The following SORCS1 variants were observed in gnomAD, a reference collection of about 807,000 sequenced individuals.
The protein encoded by SORCS1 is sortilin related VPS10 domain containing receptor 1.
A neutral mutation model predicts 146.1 loss-of-function variants in SORCS1; 60 were observed. The ratio of observed to expected loss-of-function variants is 0.41; its 90% CI spans 0.33 to 0.51. The LOEUF (loss-of-function observed/expected upper bound fraction) is 0.51, where lower values mean the gene tolerates loss of function less well. SORCS1 is among the 20% of genes least tolerant of loss of function. The pLI is 0.21. For missense variants in SORCS1, 1,352 were observed against 1,487.6 expected, an observed-to-expected ratio of 0.91 and a Z score of 1.50; for synonymous variants, 637 against 584.0, an observed-to-expected ratio of 1.09 and a Z score of -1.31.
intron 4 of SORCS1, among the ~76,000 whole-genome samples, chr10:106,763,328 C>G (rs1196300505): frequency 1.3e-5 from 2 of 152,052 alleles, no homozygotes. Context: ...TTAAATGTAT[C>G]CCCTAAGCTT....
chr10:106,688,054 C>T, intron 10 of SORCS1, 138 bp downstream of exon 10: 1 of 1,170,144 alleles, frequency 8.5e-7, no homozygotes, highest in African/African-American at 1.6e-5. Context: ...TTTTCTACAC[C>T]CTTTGCCTTC....
intron 2 of SORCS1, among the ~76,000 whole-genome samples, chr10:106,879,888 T>A: frequency 6.6e-6 from 1 of 152,332 alleles, no homozygotes; most frequent in Middle Eastern, 3.4e-3. Context: ...TACCTTAACA[T>A]CAGCCTTGTG....
At chr10:107,028,310 G>GTGAAATGGGCA (rs1958495974) in intron 1 of SORCS1, among the ~76,000 whole-genome samples, 1 of 152,170 alleles carries the variant, frequency 6.6e-6, no homozygotes, top group Non-Finnish European at 1.5e-5. Context: ...TTTTCCTCTT[G>GTGAAATGGGCA]TGAAATGGGC....
At position 106,671,272 on chromosome 10, in the gene SORCS1, A is replaced by G. The variant is rs143139504; in HGVS notation, c.2154T>C (p.Ser718=). ...MQGKYAGAME[S]EPCVCTEADF... ...CAGCCTCAGTGCAGACACAGGGTTC[A>G]GATTCCATAGCTCCTGCATATTTTC... The change falls in exon 16 of 26, where the codon TCT becomes TCC. Residue 718 remains serine, a synonymous_variant. Coordinates refer to ENST00000263054, the MANE Select transcript of SORCS1 (RefSeq NM_052918.5). The G allele has an allele frequency of 3.5e-5, 56 of 1,614,184 alleles. No individual in the cohort carries two copies. The highest frequency in any genetic ancestry group is 3.3e-4 in the African/African-American group (25 of 75,054).
intron 1 of SORCS1, among the ~76,000 whole-genome samples, chr10:107,129,874 T>C (rs1216136279): frequency 6.6e-6 from 1 of 152,220 alleles, no homozygotes; most frequent in East Asian, 1.9e-4. Flanking sequence ...TTTCCTTAAC[T>C]TCACAAAAGC....
intron 3 of SORCS1, among the ~76,000 whole-genome samples, chr10:106,825,383 T>C (rs913465835): frequency 6.7e-6 from 1 of 150,312 alleles, no homozygotes; most frequent in African/African-American, 2.5e-5. Context: ...GCCATTCTCC[T>C]GCCTCAGCCT....
intron 19 of SORCS1, among the ~76,000 whole-genome samples, chr10:106,624,038 G>C (rs1478561052): frequency 6.6e-6 from 1 of 152,136 alleles, no homozygotes; most frequent in Non-Finnish European, 1.5e-5. Context: ...TCTAGGTGCT[G>C]GGGATACCTG....
chr10:106,850,538 C>T (rs182359478), intron 2 of SORCS1, among the ~76,000 whole-genome samples: 4,991 of 152,122 alleles, frequency 0.033, 249 homozygotes, highest in African/African-American at 0.11. Context: ...GCAGAAATCA[C>T]CCGTCTTCTG....
At chr10:107,172,100 G>A in the SORCS1 span, among the ~76,000 whole-genome samples, 1 of 152,252 alleles carries the variant, frequency 6.6e-6, no homozygotes. Flanking sequence ...GGTATTTTAT[G>A]CCTGTTATCC....
intron 3 of SORCS1, among the ~76,000 whole-genome samples, chr10:106,790,414 A>G (rs1946262615): frequency 1.3e-5 from 2 of 152,200 alleles, no homozygotes; most frequent in African/African-American, 2.4e-5. Flanking sequence ...TCCCTGACTG[A>G]CTGAAACTAG....
intron 19 of SORCS1, among the ~76,000 whole-genome samples, chr10:106,628,947 T>C (rs947413656): frequency 2.0e-5 from 3 of 152,194 alleles, no homozygotes; most frequent in Non-Finnish European, 2.9e-5. Flanking sequence ...GTGTCATATC[T>C]TCAAGGCACC....
At chr10:106,981,327 T>G (rs1333640410) in intron 1 of SORCS1, among the ~76,000 whole-genome samples, 1 of 152,192 alleles carries the variant, frequency 6.6e-6, no homozygotes, top group South Asian at 2.1e-4. Flanking sequence ...GGAGAGTAAT[T>G]AAATCTGAAT....
intron 1 of SORCS1, among the ~76,000 whole-genome samples, chr10:106,992,818 CTTTCTTTCTTTTTTTTT>C (rs1438115242): frequency 9.1e-6 from 1 of 110,422 alleles, no homozygotes; most frequent in African/African-American, 3.7e-5. Flanking sequence ...TTCTTCCTTT[CTTTCTTTCTTTTTTTTT>C]TTTTTTTTTT....
intron 1 of SORCS1, among the ~76,000 whole-genome samples, chr10:107,029,050 G>A (rs1161650103): frequency 3.3e-5 from 5 of 152,184 alleles, no homozygotes; most frequent in Non-Finnish European, 7.3e-5. Flanking sequence ...TAAACCAACT[G>A]AAGCCAAATA....
chr10:106,809,597 G>C (rs1947359726), intron 3 of SORCS1, among the ~76,000 whole-genome samples: 1 of 152,180 alleles, frequency 6.6e-6, no homozygotes, highest in South Asian at 2.1e-4. Context: ...GAAGGGGCTA[G>C]TAAAGGTGAC....
chr10:106,901,841 A>C (rs1270812856), intron 2 of SORCS1, among the ~76,000 whole-genome samples: 2 of 152,164 alleles, frequency 1.3e-5, no homozygotes, highest in Admixed American at 1.3e-4. Context: ...CAGGAGATGG[A>C]GACCATCCTG....
At chr10:106,874,254 G>C (rs1341762503) in intron 2 of SORCS1, among the ~76,000 whole-genome samples, 2 of 152,106 alleles carry the variant, frequency 1.3e-5, no homozygotes, top group Admixed American at 1.3e-4. Flanking sequence ...CCTAAGTGAG[G>C]AGAATGAACT....
intron 10 of SORCS1, among the ~76,000 whole-genome samples, chr10:106,685,130 A>G (rs1394923111): frequency 6.6e-6 from 1 of 152,200 alleles, no homozygotes; most frequent in Non-Finnish European, 1.5e-5. Flanking sequence ...ACTTGAGCCC[A>G]CGAGCTTCAG....
intron 18 of SORCS1, among the ~76,000 whole-genome samples, chr10:106,631,967 A>G (rs1848467924): frequency 6.6e-6 from 1 of 152,166 alleles, no homozygotes; most frequent in Non-Finnish European, 1.5e-5. Context: ...CTCTCTGTGT[A>G]TATAATGGGT....
Sources: gnomAD v4.1 joint callset for allele counts (sites outside exome capture counted in the v4.1 genomes callset) on GRCh38, gnomAD v4.1.1 for gene constraint, MANE v1.5 for transcripts, NCBI Gene and HGNC (gene_info 2026-07-23, HGNC 2026-07-21) for gene names.